Variants in SOX5 observed in about 807,000 individuals in gnomAD.
The protein encoded by SOX5 is transcription factor SOX-5.
A neutral mutation model predicts 92.0 loss-of-function variants in SOX5; 9 were observed. That is an observed-to-expected ratio of 0.10 (90% CI 0.06 to 0.17). The LOEUF (loss-of-function observed/expected upper bound fraction) is 0.17. Among genes scored for constraint, SOX5 ranks in the 10% least tolerant of loss-of-function variants. The pLI is 1.00. For missense variants in SOX5, 642 were observed against 944.5 expected (o/e 0.68, Z 4.20); for synonymous variants, 344 against 336.3 (o/e 1.02, Z -0.25).
chr12:23,678,051 C>T (rs998172026), intron 6 of SOX5, among the ~76,000 whole-genome samples: 2 of 152,042 alleles, frequency 1.3e-5, no homozygotes, highest in Admixed American at 1.3e-4. Flanking sequence ...TAGCAGTTTG[C>T]CACTCACTAG....
chr12:23,906,853 A>G (rs554856405), intron 1 of SOX5, among the ~76,000 whole-genome samples: 2 of 152,220 alleles, frequency 1.3e-5, no homozygotes, highest in East Asian at 3.9e-4. Context: ...TAAAGACAGT[A>G]TTAAAAATCA....
intron 1 of SOX5, among the ~76,000 whole-genome samples, chr12:24,501,374 TGC>T: frequency 7.1e-6 from 1 of 140,344 alleles, no homozygotes. Context: ...AAAGATCCAG[TGC>T]AAAAAAAAAA....
chr12:24,220,875 C>G (rs975502397), intron 3 of SOX5, among the ~76,000 whole-genome samples: 1 of 152,322 alleles, frequency 6.6e-6, no homozygotes, highest in African/African-American at 2.4e-5. Flanking sequence ...ACATTTTACT[C>G]CACTTCCTAT....
chr12:23,961,789 C>A (rs1402642268), intron 4 of SOX5, among the ~76,000 whole-genome samples: 3 of 152,194 alleles, frequency 2.0e-5, no homozygotes, highest in Non-Finnish European at 4.4e-5. Context: ...AATCAGAAGA[C>A]TTCAGGACCC....
At chr12:24,093,971 A>C (rs1464921669) in intron 4 of SOX5, among the ~76,000 whole-genome samples, 1 of 152,088 alleles carries the variant, frequency 6.6e-6, no homozygotes, top group Non-Finnish European at 1.5e-5. Flanking sequence ...TTTGGAACAA[A>C]GTTTTGCTCT....
At chr12:23,806,752 T>C (rs191836784) in intron 3 of SOX5, among the ~76,000 whole-genome samples, 1 of 151,208 alleles carries the variant, frequency 6.6e-6, no homozygotes, top group African/African-American at 2.4e-5. Context: ...ACAGTCCCAG[T>C]AAGAATAGAA....
chr12:24,396,578 G>A (rs1960045239), intron 1 of SOX5, among the ~76,000 whole-genome samples: 1 of 152,346 alleles, frequency 6.6e-6, no homozygotes, highest in Middle Eastern at 3.4e-3. Flanking sequence ...GCCAGCTCCT[G>A]CCTCCACTCA....
intron 2 of SOX5, among the ~76,000 whole-genome samples, chr12:23,877,290 A>AT (rs2096938236): frequency 6.6e-6 from 1 of 151,766 alleles, no homozygotes; most frequent in Non-Finnish European, 1.5e-5. Flanking sequence ...GTTTAAATAT[A>AT]TTTTTGTGCT....
intron 2 of SOX5, among the ~76,000 whole-genome samples, chr12:23,863,793 T>TACACACACACACACACAC (rs71059936): frequency 6.9e-6 from 1 of 145,704 alleles, no homozygotes; most frequent in Non-Finnish European, 1.5e-5. Context: ...TTAAACACAC[T>TACACACACACACACACAC]ACACACACAC....
intron 4 of SOX5, among the ~76,000 whole-genome samples, chr12:24,123,506 T>C (rs1377588925): frequency 6.6e-6 from 1 of 152,186 alleles, no homozygotes; most frequent in Non-Finnish European, 1.5e-5. Flanking sequence ...TCCCCTTCAT[T>C]AAAGCTTACT....
In SOX5 at chr12:23,708,266, T is replaced by C. The variant is rs538916302; in HGVS notation, c.810+26418A>G. 2.6e-5 allele frequency among the ~76,000 whole-genome samples: 4 copies of C among 150,960 alleles called. 1 individual carries two copies. In the South Asian group the frequency reaches 8.4e-4, roughly 32 times the overall value. On this transcript the variant is annotated intron_variant, in intron 6 of 14. Transcript: ENST00000451604. ...TGGCCTTACTGAATGTGACTACATT[T>C]GACATGGAGAGAGGTAGTAGAGAAT...
At chr12:24,477,443 T>G (rs552505908) in intron 1 of SOX5, among the ~76,000 whole-genome samples, 2 of 152,160 alleles carry the variant, frequency 1.3e-5, no homozygotes, top group Non-Finnish European at 2.9e-5. Flanking sequence ...TTACTTTTTT[T>G]ACATTGCTAT....
chr12:24,401,708 T>TAAAAAAAA (rs71063321), intron 1 of SOX5, among the ~76,000 whole-genome samples: 31 of 99,450 alleles, frequency 3.1e-4, no homozygotes, highest in African/African-American at 1.1e-3. Flanking sequence ...ACCCTATCTT[T>TAAAAAAAA]AAAAAAAAAA....
At chr12:23,935,979 A>C (rs1392647118) in intron 1 of SOX5, among the ~76,000 whole-genome samples, 1 of 151,124 alleles carries the variant, frequency 6.6e-6, no homozygotes, top group African/African-American at 2.4e-5. Flanking sequence ...CCTAGAAATT[A>C]GGCAACTCTC....
chr12:23,580,719 T>C (rs975032770), intron 9 of SOX5, among the ~76,000 whole-genome samples: 1 of 152,062 alleles, frequency 6.6e-6, no homozygotes, highest in African/African-American at 2.4e-5. Context: ...TCTGGGATGT[T>C]CCATTTACAT....
intron 2 of SOX5, among the ~76,000 whole-genome samples, chr12:23,895,211 A>C (rs1191390481): frequency 2.7e-5 from 4 of 150,450 alleles, no homozygotes; most frequent in Admixed American, 6.6e-5. Context: ...TAGGATGCAA[A>C]AAAAAAAAAA....
intron 3 of SOX5, among the ~76,000 whole-genome samples, chr12:24,246,012 A>G (rs1565741175): frequency 6.6e-6 from 1 of 152,206 alleles, no homozygotes; most frequent in Non-Finnish European, 1.5e-5. Context: ...TGTTCTGCTA[A>G]ACACCAATAT....
At chr12:24,230,688 A>G (rs1299626438) in intron 3 of SOX5, 2 of 152,232 alleles carry the variant, frequency 1.3e-5, no homozygotes, top group African/African-American at 4.8e-5. Flanking sequence ...AAACTAGAAG[A>G]TGATAAAAAC....
At chr12:24,454,183 C>T (rs142325849) in intron 1 of SOX5, among the ~76,000 whole-genome samples, 35 of 152,256 alleles carry the variant, frequency 2.3e-4, no homozygotes, top group Admixed American at 9.2e-4. Flanking sequence ...ATTGAAAAAG[C>T]GTGCTCTGTC....
Sources: gnomAD v4.1 joint callset for allele counts (sites outside exome capture counted in the v4.1 genomes callset) on GRCh38, gnomAD v4.1.1 for gene constraint, MANE v1.5 for transcripts, NCBI Gene and HGNC (gene_info 2026-07-23, HGNC 2026-07-21) for gene names.